Variants in MED15 observed in about 807,000 individuals in gnomAD.
The protein encoded by MED15 is mediator complex subunit 15, also known as mediator of RNA polymerase II transcription subunit 15.
MED15 carries 41 observed loss-of-function variants against 118.7 expected under a neutral mutation model. The ratio of observed to expected loss-of-function variants is 0.35; its 90% CI spans 0.27 to 0.45. The LOEUF (loss-of-function observed/expected upper bound fraction) is 0.45. MED15 is among the 20% of genes least tolerant of loss of function. The probability of loss-of-function intolerance (pLI) is 1.00; values close to 1 mark genes in which losing one functional copy is unlikely to be tolerated. For missense variants in MED15, 740 were observed against 1,025.5 expected, an observed-to-expected ratio of 0.72 and a Z score of 3.80; for synonymous variants, 436 against 413.9, an observed-to-expected ratio of 1.05 and a Z score of -0.65.
At chr22:20,529,204 G>A (rs1680215390) in intron 1 of MED15, among the ~76,000 whole-genome samples, 1 of 152,098 alleles carries the variant, frequency 6.6e-6, no homozygotes, top group African/African-American at 2.4e-5. Flanking sequence ...GGAATTAAAT[G>A]TGCAGGCTTT....
At chr22:20,584,736 G>C in intron 14 of MED15, 119 bp from the exon 15 acceptor site, 2 of 1,258,658 alleles carry the variant, frequency 1.6e-6, no homozygotes, top group South Asian at 2.7e-5. Flanking sequence ...CAAGGGTGGA[G>C]GCTGTGAGAG....
rs201035504 is a variant in MED15 at position 20,582,693 on chromosome 22, C to A, written c.1355C>A (p.Pro452His). Residue 452 changes from proline to histidine, a missense_variant, in exon 10 of 18, where the codon CCC (proline) becomes CAC (histidine). Physicochemically the swap from Pro to His is moderately conservative, Grantham distance 77. This residue lies in a region of MED15 where 384 missense variants were observed against 506.3 expected (regional missense o/e 0.76). Coordinates refer to ENST00000263205, the MANE Select transcript of MED15 (RefSeq NM_001003891.3). ...VQTPQSMPPPPQPSPQPGQPS... is the reference protein window; with the variant it reads ...VQTPQSMPPPHQPSPQPGQPS... ...ACCCCGCAGTCGATGCCCCCTCCCC[C>A]CCAGCCGTCCCCGCAGCCCGGCCAG... The A allele has an allele frequency of 2.2e-4, 346 of 1,597,666 alleles. 1 individual carries two copies. The highest frequency in any genetic ancestry group is 2.5e-4 in the Non-Finnish European group (298 of 1,178,340).
Position 20,586,778 on chromosome 22 carries a change from T to C in MED15, c.*74T>C, listed in dbSNP as rs912488279. On this transcript the variant is annotated 3_prime_UTR_variant, in exon 18 of 18. Transcript: ENST00000263205. ...GCCTCCTGTCAGACACTTCTAGGTG[T>C]TGGCTTCCTTAGAGAGCCTGGGGTT... 8 of 1,576,568 alleles carry C rather than the reference T, an allele frequency of 5.1e-6. No individual in the cohort carries two copies. In the African/African-American group the frequency reaches 8.1e-5, roughly 16 times the overall value.
chr22:20,582,472 C>G, intron 9 of MED15, 139 bp from the exon 10 acceptor site: 1 of 1,348,930 alleles, frequency 7.4e-7, no homozygotes, highest in Non-Finnish European at 1.0e-6. Context: ...GTGTGTATGT[C>G]CAGGTGGCAT....
intron 1 of MED15, among the ~76,000 whole-genome samples, chr22:20,523,273 T>C (rs1161740617): frequency 1.3e-5 from 2 of 152,144 alleles, no homozygotes; most frequent in Admixed American, 1.3e-4. Context: ...GGGACCTGCA[T>C]GCTCACAGCC....
In MED15 at chr22:20,525,857, A is replaced by G. The variant is rs146308742; in HGVS notation, c.69-11260A>G. ...GGCCACGTGACCCTTCTTAATAGCTATTGTTCGCTGAGTATTTCTCTACGA... is the reference window on the plus strand; with the variant it reads ...GGCCACGTGACCCTTCTTAATAGCTGTTGTTCGCTGAGTATTTCTCTACGA... On this transcript the variant is annotated intron_variant, in intron 1 of 17. Coordinates refer to ENST00000263205, the MANE Select transcript of MED15 (RefSeq NM_001003891.3). 3.8e-3 allele frequency among the ~76,000 whole-genome samples: 574 copies of G among 151,096 alleles called. 3 individuals carry two copies. Among genetic ancestry groups the G allele is most frequent in the Non-Finnish European group, 6.4e-3 (432 of 67,822 alleles).
chr22:20,525,026 C>T (rs2054583846), intron 1 of MED15, among the ~76,000 whole-genome samples: 5 of 152,060 alleles, frequency 3.3e-5, no homozygotes, highest in South Asian at 2.1e-4. Flanking sequence ...GTGGTCTGGG[C>T]GCAGTTGCTC....
chr22:20,569,576 G>T (rs186871170), intron 8 of MED15, among the ~76,000 whole-genome samples: 3 of 152,130 alleles, frequency 2.0e-5, no homozygotes, highest in Non-Finnish European at 4.4e-5. Flanking sequence ...CGCTTGGGGG[G>T]TGCTCAGTAA....
chr22:20,510,277 T>C (rs556799606), intron 1 of MED15, among the ~76,000 whole-genome samples: 1 of 152,178 alleles, frequency 6.6e-6, no homozygotes, highest in South Asian at 2.1e-4. Flanking sequence ...TCCCAGCTAC[T>C]CAAGAGTCTG....
chr22:20,554,548 C>G (rs916008770), intron 4 of MED15: 1 of 167,324 alleles, frequency 6.0e-6, no homozygotes, highest in Non-Finnish European at 1.3e-5. Context: ...ACTGTGTTAC[C>G]GCTTGCTCAG....
At chr22:20,553,616 T>A (rs1159103966) in intron 4 of MED15, among the ~76,000 whole-genome samples, 1 of 152,228 alleles carries the variant, frequency 6.6e-6, no homozygotes, top group Admixed American at 6.5e-5. Context: ...CTCATGCCTG[T>A]AATCCCAACA....
chr22:20,516,770 C>G (rs1184133609), intron 1 of MED15, among the ~76,000 whole-genome samples: 2 of 152,096 alleles, frequency 1.3e-5, no homozygotes, highest in Non-Finnish European at 2.9e-5. Flanking sequence ...TGTTAAATAT[C>G]TGGAGGGCAA....
intron 8 of MED15, 76 bp from the exon 9 acceptor site, chr22:20,575,037 C>T (rs936288748): frequency 1.8e-5 from 28 of 1,592,576 alleles, no homozygotes; most frequent in East Asian, 8.9e-5. Flanking sequence ...AGAGGCTACA[C>T]GTGCCCTCTC....
At chr22:20,531,407 T>G (rs2054858101) in intron 1 of MED15, among the ~76,000 whole-genome samples, 1 of 152,134 alleles carries the variant, frequency 6.6e-6, no homozygotes, top group Non-Finnish European at 1.5e-5. Flanking sequence ...TCAGAGCCCC[T>G]CCTTTATGAA....
At chr22:20,584,791 G>A (rs2057085685) in intron 14 of MED15, 64 bp from the exon 15 acceptor site, 1 of 1,584,986 alleles carries the variant, frequency 6.3e-7, no homozygotes, top group Non-Finnish European at 8.6e-7. Context: ...CCTGGGGTGT[G>A]AAGGCCCCCT....
intron 8 of MED15, among the ~76,000 whole-genome samples, chr22:20,572,427 G>A (rs1358074721): frequency 6.6e-6 from 1 of 152,250 alleles, no homozygotes; most frequent in Non-Finnish European, 1.5e-5. Context: ...CCGAAGAGAG[G>A]CGCCCTGTCA....
At chr22:20,565,227 T>C (rs1053448592) in intron 6 of MED15, among the ~76,000 whole-genome samples, 3 of 152,256 alleles carry the variant, frequency 2.0e-5, no homozygotes, top group Non-Finnish European at 4.4e-5. Context: ...CCATTTGGGC[T>C]TGGGCATCTG....
At chr22:20,564,949 C>G (rs2056381441) in intron 6 of MED15, among the ~76,000 whole-genome samples, 1 of 152,164 alleles carries the variant, frequency 6.6e-6, no homozygotes, top group African/African-American at 2.4e-5. Flanking sequence ...CATGGTGAAA[C>G]CCCATCTCTA....
chr22:20,517,004 C>T (rs2146352640), intron 1 of MED15, among the ~76,000 whole-genome samples: 1 of 152,076 alleles, frequency 6.6e-6, no homozygotes, highest in East Asian at 1.9e-4. Context: ...ACAATCATAG[C>T]TCACTGCAGC....
Sources: gnomAD v4.1 joint callset for allele counts (sites outside exome capture counted in the v4.1 genomes callset) on GRCh38, gnomAD v4.1.1 for gene constraint, gnomAD v4.1.1 regional missense constraint, MANE v1.5 for transcripts, NCBI Gene and HGNC (gene_info 2026-07-23, HGNC 2026-07-21) for gene names.